DLGAP2: variants seen among roughly 807,000 people sequenced by gnomAD.
The protein encoded by DLGAP2 is disks large-associated protein 2.
Under a neutral mutation model 100.3 loss-of-function variants are expected in DLGAP2, and 26 were observed. That is an observed-to-expected ratio of 0.26 (90% CI 0.19 to 0.36). The LOEUF (loss-of-function observed/expected upper bound fraction) is 0.36. DLGAP2 is among the 10% of genes least tolerant of loss of function. The pLI is 1.00. For synonymous variants in DLGAP2, 886 were observed against 630.1 expected, an observed-to-expected ratio of 1.41 and a Z score of -6.08; for missense variants, 1,858 against 1,453.2, an observed-to-expected ratio of 1.28 and a Z score of -4.53.
At chr8:1,352,133 G>A (rs1257216613) in intron 3 of DLGAP2, among the ~76,000 whole-genome samples, 1 of 102,002 alleles carries the variant, frequency 9.8e-6, no homozygotes, top group Non-Finnish European at 2.1e-5. Context: ...ACGGCCGTGC[G>A]GGTCCTGACT....
chr8:1,260,631 G>A (rs905950308), intron 3 of DLGAP2, among the ~76,000 whole-genome samples: 2 of 151,550 alleles, frequency 1.3e-5, no homozygotes, highest in African/African-American at 4.8e-5. Context: ...TAAAAGAAGA[G>A]TTTTTTCCCA....
chr8:1,013,600 C>T (rs960031307), intron 2 of DLGAP2, among the ~76,000 whole-genome samples: 8 of 146,810 alleles, frequency 5.4e-5, no homozygotes, highest in African/African-American at 8.1e-5. Flanking sequence ...ACAGACGGCG[C>T]CTCCACTGTG....
intron 6 of DLGAP2, among the ~76,000 whole-genome samples, chr8:1,591,214 C>A (rs994039571): frequency 2.0e-5 from 3 of 152,136 alleles, no homozygotes; most frequent in Admixed American, 1.3e-4. Context: ...TCTTCCCTTC[C>A]CTCTGCAAAG....
chr8:1,119,305 C>T (rs982292636), intron 2 of DLGAP2, among the ~76,000 whole-genome samples: 1 of 152,188 alleles, frequency 6.6e-6, no homozygotes, highest in Admixed American at 6.5e-5. Flanking sequence ...AATTCATCTG[C>T]AAAATATTTT....
intron 3 of DLGAP2, among the ~76,000 whole-genome samples, chr8:1,354,313 C>T (rs2129636856): frequency 6.6e-6 from 1 of 152,206 alleles, no homozygotes; most frequent in East Asian, 1.9e-4. Context: ...TGAGACCAGC[C>T]TGGGCAACAT....
At chr8:765,546 G>A (rs1042064534) in intron 1 of DLGAP2, among the ~76,000 whole-genome samples, 1 of 152,062 alleles carries the variant, frequency 6.6e-6, no homozygotes, top group Non-Finnish European at 1.5e-5. Context: ...GCAGCCCTTG[G>A]GGCAGGCAAA....
chr8:1,690,324 C>T (rs932939501), intron 12 of DLGAP2, among the ~76,000 whole-genome samples: 1 of 151,544 alleles, frequency 6.6e-6, no homozygotes. Context: ...CCACTGCAGT[C>T]CAGCCTAGGT....
At chr8:1,102,037 T>C (rs1296178656) in intron 2 of DLGAP2, among the ~76,000 whole-genome samples, 3 of 152,126 alleles carry the variant, frequency 2.0e-5, no homozygotes, top group African/African-American at 7.2e-5. Context: ...CATATTGTAT[T>C]ATAGGGGAAC....
chr8:1,546,239 G>A (rs1443622640), intron 4 of DLGAP2, among the ~76,000 whole-genome samples: 1 of 152,220 alleles, frequency 6.6e-6, no homozygotes, highest in East Asian at 1.9e-4. Context: ...GGCTCACCTT[G>A]AAGTTAAAGG....
At chr8:948,884 G>C (rs1799401670) in intron 2 of DLGAP2, among the ~76,000 whole-genome samples, 1 of 152,230 alleles carries the variant, frequency 6.6e-6, no homozygotes, top group Admixed American at 6.5e-5. Context: ...GCTGGTGTTA[G>C]GGTGGGAGCA....
chr8:1,446,407 T>A (rs961299811), intron 3 of DLGAP2, among the ~76,000 whole-genome samples: 1 of 152,196 alleles, frequency 6.6e-6, no homozygotes, highest in Non-Finnish European at 1.5e-5. Flanking sequence ...GTTGTAGATA[T>A]GTGGCATTAT....
intron 6 of DLGAP2, among the ~76,000 whole-genome samples, chr8:1,608,271 CA>C (rs1796883074): frequency 8.5e-6 from 1 of 117,944 alleles, no homozygotes; most frequent in African/African-American, 2.9e-5. Context: ...CACCCCCCAG[CA>C]GGGGCACACT....
At chr8:1,373,004 T>G (rs1802283331) in intron 3 of DLGAP2, among the ~76,000 whole-genome samples, 1 of 152,196 alleles carries the variant, frequency 6.6e-6, no homozygotes, top group Non-Finnish European at 1.5e-5. Context: ...GATGACAGTT[T>G]CGCTCATAGT....
At chr8:1,148,826 C>CT (rs567194720) in intron 2 of DLGAP2, among the ~76,000 whole-genome samples, 1 of 151,994 alleles carries the variant, frequency 6.6e-6, no homozygotes, top group African/African-American at 2.4e-5. Flanking sequence ...TTTTCTGGGT[C>CT]TTTTTTTAGG....
chr8:1,119,705 C>T (rs186814702), intron 2 of DLGAP2, among the ~76,000 whole-genome samples: 16 of 152,340 alleles, frequency 1.1e-4, no homozygotes, highest in African/African-American at 3.4e-4. Flanking sequence ...TAAGTATCCC[C>T]AGGGACTGTC....
intron 2 of DLGAP2, among the ~76,000 whole-genome samples, chr8:1,032,026 G>A (rs576232398): frequency 1.3e-5 from 2 of 152,184 alleles, no homozygotes; most frequent in Non-Finnish European, 2.9e-5. Context: ...GCTGATTACT[G>A]ATGGCGTCAA....
chr8:1,543,813 A>C (rs1016267391), intron 4 of DLGAP2, among the ~76,000 whole-genome samples: 1 of 152,236 alleles, frequency 6.6e-6, no homozygotes, highest in African/African-American at 2.4e-5. Context: ...CTATGAACAT[A>C]GGATGTCTTT....
At chr8:1,456,081 C>A (rs952812425) in intron 3 of DLGAP2, among the ~76,000 whole-genome samples, 6 of 152,190 alleles carry the variant, frequency 3.9e-5, no homozygotes, top group African/African-American at 1.4e-4. Flanking sequence ...TGGGTCCCTC[C>A]CAGCAGCTTT....
chr8:925,082 G>C (rs1798784962), intron 2 of DLGAP2, among the ~76,000 whole-genome samples: 1 of 152,124 alleles, frequency 6.6e-6, no homozygotes, highest in Admixed American at 6.5e-5. Flanking sequence ...TAATTATGTT[G>C]ATAATGGTGA....
Sources: gnomAD v4.1 joint callset for allele counts (sites outside exome capture counted in the v4.1 genomes callset) on GRCh38, gnomAD v4.1.1 for gene constraint, MANE v1.5 for transcripts, NCBI Gene and HGNC (gene_info 2026-07-23, HGNC 2026-07-21) for gene names.